The following IFT88 variants were observed in gnomAD, a reference collection of about 807,000 sequenced individuals.
IFT88 encodes intraflagellar transport protein 88 homolog.
IFT88 carries 74 observed loss-of-function variants against 119.5 expected under a neutral mutation model. The ratio of observed to expected loss-of-function variants is 0.62; its 90% CI spans 0.51 to 0.75. The LOEUF is 0.75. IFT88 is among the 30% of genes least tolerant of loss of function. The pLI, the probability that IFT88 is intolerant of heterozygous loss-of-function variation, is 0.00. For missense variants in IFT88, 961 were observed against 977.7 expected (o/e 0.98, Z 0.23); for synonymous variants, 279 against 316.7 (o/e 0.88, Z 1.26).
intron 1 of IFT88, among the ~76,000 whole-genome samples, chr13:20,568,965 C>T (rs1332136823): frequency 6.6e-6 from 1 of 152,038 alleles, no homozygotes; most frequent in African/African-American, 2.4e-5. Flanking sequence ...CGTGATCCGC[C>T]CGCCTCGGCC....
intron 3 of IFT88, among the ~76,000 whole-genome samples, chr13:20,585,717 G>A (rs1274794497): frequency 1.3e-5 from 2 of 152,176 alleles, no homozygotes; most frequent in Non-Finnish European, 2.9e-5. Context: ...AGCATTTCAG[G>A]GGTGTAGAAA....
At chr13:20,597,887 A>G (rs1290518225) in intron 9 of IFT88, among the ~76,000 whole-genome samples, 1 of 152,010 alleles carries the variant, frequency 6.6e-6, no homozygotes, top group East Asian at 1.9e-4. Context: ...ATTGTAATGT[A>G]GACTTTTCGG....
rs117075521 is a variant in IFT88, at chr13:20,668,358, A to T, written c.2176-2615A>T. Among the ~76,000 whole-genome samples, 16 of 129,874 alleles carry T rather than the reference A, an allele frequency of 1.2e-4. No individual in the cohort carries two copies. In the East Asian group the frequency reaches 3.1e-3, roughly 25 times the overall value. 85.2% of individuals were successfully genotyped at this position (129,874 alleles called of 152,430 possible). ...GCAGTTAACTGAGTCTTGACAGTTG[A>T]GATTTCTTTTTTTTTTTCTTACATA... On this transcript the variant is annotated intron_variant, in intron 23 of 25. Transcript: ENST00000351808.
chr13:20,638,600 C>CT (rs34800529), intron 17 of IFT88, 82 bp downstream of exon 17: 166,521 of 926,678 alleles, frequency 0.18, 17,275 homozygotes, highest in African/African-American at 0.31. Context: ...TTAAAGAGCT[C>CT]TAACACATTA....
At chr13:20,580,664 C>T (rs545743479) in intron 2 of IFT88, among the ~76,000 whole-genome samples, 56 of 151,644 alleles carry the variant, frequency 3.7e-4, no homozygotes, top group Non-Finnish European at 6.8e-4. Context: ...CAAACACTAC[C>T]TGGGATAGAG....
At chr13:20,581,407 T>C (rs2038619030) in intron 2 of IFT88, among the ~76,000 whole-genome samples, 1 of 152,216 alleles carries the variant, frequency 6.6e-6, no homozygotes, top group East Asian at 1.9e-4. Context: ...ACTAATAATT[T>C]AGGAATCTTA....
chr13:20,588,340 T>C (rs1221364126), intron 3 of IFT88, among the ~76,000 whole-genome samples: 1 of 152,144 alleles, frequency 6.6e-6, no homozygotes, highest in Non-Finnish European at 1.5e-5. Flanking sequence ...ATGTTAAGCA[T>C]AGTTATGTTA....
chr13:20,596,961 C>T, intron 8 of IFT88, 54 bp from the exon 9 acceptor site: 3 of 942,604 alleles, frequency 3.2e-6, no homozygotes, highest in Non-Finnish European at 4.8e-6. Flanking sequence ...TTCTCAAATG[C>T]ATAAAAGTTG....
intron 24 of IFT88, among the ~76,000 whole-genome samples, chr13:20,675,113 A>AG (rs1409014274): frequency 6.6e-6 from 1 of 152,082 alleles, no homozygotes; most frequent in Non-Finnish European, 1.5e-5. Flanking sequence ...AGAATGAACA[A>AG]GTCATGCTCA....
chr13:20,645,146 A>G (rs2050541236), intron 20 of IFT88, among the ~76,000 whole-genome samples, 188 bp downstream of exon 20: 1 of 152,090 alleles, frequency 6.6e-6, no homozygotes, highest in African/African-American at 2.4e-5. Flanking sequence ...TTGAAGTGCA[A>G]TGGCGTGATC....
intron 16 of IFT88, among the ~76,000 whole-genome samples, chr13:20,632,418 T>C (rs574776252): frequency 6.6e-6 from 1 of 152,316 alleles, no homozygotes; most frequent in Admixed American, 6.5e-5. Flanking sequence ...CCTCACCATC[T>C]ACCAGGGTGG....
chr13:20,675,649 C>T (rs1002086328), intron 24 of IFT88, among the ~76,000 whole-genome samples: 1 of 152,174 alleles, frequency 6.6e-6, no homozygotes, highest in Non-Finnish European at 1.5e-5. Context: ...GTCTCATCTA[C>T]CGAGAATATT....
At chr13:20,665,739 G>GGA (rs2054571473) in intron 23 of IFT88, among the ~76,000 whole-genome samples, 1 of 152,230 alleles carries the variant, frequency 6.6e-6, no homozygotes, top group Non-Finnish European at 1.5e-5. Context: ...TGCATATGGA[G>GGA]GACACAGTGA....
At chr13:20,616,811 CAT>C (rs1367077690) in intron 14 of IFT88, among the ~76,000 whole-genome samples, 1 of 152,172 alleles carries the variant, frequency 6.6e-6, no homozygotes, top group Admixed American at 6.5e-5. Flanking sequence ...ACCACAAACA[CAT>C]GAGGTGTGAT....
At chr13:20,658,545 A>G (rs775638799) in intron 22 of IFT88, among the ~76,000 whole-genome samples, 3 of 152,232 alleles carry the variant, frequency 2.0e-5, no homozygotes, top group Non-Finnish European at 2.9e-5. Flanking sequence ...AGATTAAATG[A>G]GAGATAGCAG....
intron 20 of IFT88, among the ~76,000 whole-genome samples, chr13:20,650,277 C>T (rs1277576983): frequency 6.6e-6 from 1 of 152,042 alleles, no homozygotes; most frequent in African/African-American, 2.4e-5. Context: ...GTACATCATT[C>T]GCAAGTGGTA....
chr13:20,663,616 G>T lies in IFT88; in HGVS notation c.2175+12G>T. ...AAATAAGGGAACAGGTATCTCATAT[G>T]GGCCCCAAACTGCAGTCTGTTAATT... On this transcript the variant is annotated intron_variant, in intron 23 of 25. Transcript: ENST00000351808. 6.4e-7 allele frequency: 1 copy of T among 1,573,858 alleles called. No individual in the cohort carries two copies. Among genetic ancestry groups the T allele is most frequent in the Non-Finnish European group, 8.7e-7 (1 of 1,145,486 alleles).
At position 20,592,364 on chromosome 13, in the gene IFT88, A is replaced by G; in HGVS notation, c.358A>G (p.Arg120Gly). 1 of 1,611,718 alleles carries G rather than the reference A, an allele frequency of 6.2e-7. No individual in the cohort carries two copies. The highest frequency in any genetic ancestry group is 8.5e-7 in the Non-Finnish European group (1 of 1,179,072). ...GSAFDPLSQS[R>G]GPASPLEAKK... ...TGCATTTGACCCCCTTAGTCAGTCAAGGGGCCCTGCTTCCCCTTTGGAAGC... is the reference window on the plus strand; with the variant it reads ...TGCATTTGACCCCCTTAGTCAGTCAGGGGGCCCTGCTTCCCCTTTGGAAGC... The change falls in exon 7 of 26, where the codon AGG becomes GGG. Residue 120 changes from arginine to glycine, a missense_variant. Arg to Gly is a moderately radical substitution (Grantham distance 125). Coordinates refer to ENST00000351808, the MANE Select transcript of IFT88 (RefSeq NM_006531.5).
intron 2 of IFT88, among the ~76,000 whole-genome samples, chr13:20,581,080 A>C (rs2138259052): frequency 6.6e-6 from 1 of 152,308 alleles, no homozygotes; most frequent in South Asian, 2.1e-4. Context: ...AGGTTGTTGC[A>C]CTGTGGCTGC....
Sources: gnomAD v4.1 joint callset for allele counts (sites outside exome capture counted in the v4.1 genomes callset) on GRCh38, gnomAD v4.1.1 for gene constraint, MANE v1.5 for transcripts, NCBI Gene and HGNC (gene_info 2026-07-23, HGNC 2026-07-21) for gene names.